Variants in STXBP4 observed in about 807,000 individuals in gnomAD.
STXBP4 encodes the protein syntaxin binding protein 4.
STXBP4 carries 55 observed loss-of-function variants against 76.1 expected under a neutral mutation model. The ratio of observed to expected loss-of-function variants is 0.72; its 90% confidence interval spans 0.58 to 0.91. STXBP4 has a LOEUF of 0.91. Ranked by LOEUF, STXBP4 falls within the 40% of genes least tolerant of loss-of-function variation. The probability of loss-of-function intolerance (pLI) is 0.00; values close to 1 mark genes in which losing one functional copy is unlikely to be tolerated. For synonymous variants in STXBP4, 201 were observed against 220.2 expected, an observed-to-expected ratio of 0.91 and a Z score of 0.77; for missense variants, 618 against 636.9, an observed-to-expected ratio of 0.97 and a Z score of 0.32.
chr17:55,006,195 AT>A (rs565508661), intron 7 of STXBP4, among the ~76,000 whole-genome samples: 1 of 152,012 alleles, frequency 6.6e-6, no homozygotes, highest in South Asian at 2.1e-4. Flanking sequence ...GTCAGCATCC[AT>A]TTTTTTATGA....
intron 3 of STXBP4, among the ~76,000 whole-genome samples, chr17:54,988,133 TAAG>T (rs1453555728): frequency 6.6e-6 from 1 of 152,126 alleles, no homozygotes; most frequent in Non-Finnish European, 1.5e-5. Flanking sequence ...TAATTCTGGG[TAAG>T]AAGAAAAACA....
At chr17:55,138,412 G>C (rs976413803) in intron 16 of STXBP4, among the ~76,000 whole-genome samples, 1 of 152,060 alleles carries the variant, frequency 6.6e-6, no homozygotes. Flanking sequence ...GATATGTTGA[G>C]TTTTAGGTAA....
chr17:55,027,186 C>A (rs1304225706), intron 8 of STXBP4, among the ~76,000 whole-genome samples: 1 of 152,160 alleles, frequency 6.6e-6, no homozygotes, highest in African/African-American at 2.4e-5. Context: ...ACTCTCCAAA[C>A]CCCACAGGGG....
chr17:54,978,800 G>T (rs1261671105), intron 1 of STXBP4, among the ~76,000 whole-genome samples: 1 of 152,004 alleles, frequency 6.6e-6, no homozygotes, highest in African/African-American at 2.4e-5. Flanking sequence ...AAAAATAGTA[G>T]TTCCAAGTGT....
intron 17 of STXBP4, among the ~76,000 whole-genome samples, chr17:55,159,575 A>G (rs1455040814): frequency 6.6e-6 from 1 of 152,226 alleles, no homozygotes; most frequent in Non-Finnish European, 1.5e-5. Context: ...GAGATGCTGC[A>G]TTCACCTGCA....
intron 16 of STXBP4, among the ~76,000 whole-genome samples, chr17:55,083,956 T>C (rs1454831657): frequency 6.6e-6 from 1 of 152,202 alleles, no homozygotes; most frequent in East Asian, 1.9e-4. Flanking sequence ...GAAGAGCATA[T>C]AGTCAGAAGT....
chr17:55,015,703 T>G (rs2078195297), intron 8 of STXBP4, among the ~76,000 whole-genome samples: 1 of 151,398 alleles, frequency 6.6e-6, no homozygotes, highest in Non-Finnish European at 1.5e-5. Flanking sequence ...GTCTATCTCC[T>G]TTTGTACCGT....
chr17:55,186,119 TG>T, the STXBP4 span, among the ~76,000 whole-genome samples: 1 of 152,228 alleles, frequency 6.6e-6, no homozygotes, highest in Non-Finnish European at 1.5e-5. Context: ...TGCAATTACT[TG>T]TCTACAAACC....
intron 12 of STXBP4, among the ~76,000 whole-genome samples, chr17:55,057,976 C>T (rs534386374): frequency 2.6e-5 from 4 of 152,162 alleles, no homozygotes; most frequent in Admixed American, 2.6e-4. Context: ...TGGGTTGGTT[C>T]CAAGTCTTTG....
chr17:55,141,625 C>T (rs949309629), intron 17 of STXBP4, among the ~76,000 whole-genome samples: 1 of 152,112 alleles, frequency 6.6e-6, no homozygotes, highest in Admixed American at 6.6e-5. Flanking sequence ...CTTAGGCTGG[C>T]TGCCTAAATT....
intron 4 of STXBP4, among the ~76,000 whole-genome samples, chr17:54,992,841 T>C (rs545829148): frequency 6.6e-5 from 10 of 151,750 alleles, no homozygotes; most frequent in Middle Eastern, 6.8e-3. Context: ...GCTTCCCTAG[T>C]AGCTGGGATT....
At chr17:55,183,312 A>T in the STXBP4 span, among the ~76,000 whole-genome samples, 1 of 152,204 alleles carries the variant, frequency 6.6e-6, no homozygotes, top group African/African-American at 2.4e-5. Context: ...GAGGCTAGGC[A>T]CAGTGGCTCA....
At chr17:55,113,230 CA>C (rs2079742619) in intron 16 of STXBP4, among the ~76,000 whole-genome samples, 1 of 150,550 alleles carries the variant, frequency 6.6e-6, no homozygotes, top group Non-Finnish European at 1.5e-5. Flanking sequence ...CACACACACA[CA>C]CACACACACA....
chr17:55,150,891 T>G (rs1283684360), intron 17 of STXBP4, among the ~76,000 whole-genome samples: 1 of 152,160 alleles, frequency 6.6e-6, no homozygotes, highest in African/African-American at 2.4e-5. Flanking sequence ...TCAACTAACC[T>G]TAAAATAGGG....
chr17:54,972,920 C>T (rs2077421112), intron 1 of STXBP4, among the ~76,000 whole-genome samples: 1 of 152,204 alleles, frequency 6.6e-6, no homozygotes, highest in South Asian at 2.1e-4. Context: ...GTGAATTCAT[C>T]TCTGCCTGGT....
intron 16 of STXBP4, among the ~76,000 whole-genome samples, chr17:55,104,476 T>G (rs965284759): frequency 6.6e-6 from 1 of 152,204 alleles, no homozygotes; most frequent in African/African-American, 2.4e-5. Context: ...GGGATGAAGC[T>G]GACTTTATCG....
intron 3 of STXBP4, among the ~76,000 whole-genome samples, chr17:54,989,342 G>A (rs1048685070): frequency 2.6e-5 from 4 of 152,110 alleles, no homozygotes; most frequent in Non-Finnish European, 4.4e-5. Context: ...TGATCCGCCC[G>A]CCTCGGCCTC....
chr17:54,996,951 A>G (rs2077814563), intron 4 of STXBP4, among the ~76,000 whole-genome samples: 1 of 152,232 alleles, frequency 6.6e-6, no homozygotes, highest in Admixed American at 6.5e-5. Context: ...TTATTTCAAC[A>G]TCTACATGAA....
At chr17:55,183,322 A>C in the STXBP4 span, among the ~76,000 whole-genome samples, 4 of 152,206 alleles carry the variant, frequency 2.6e-5, no homozygotes, top group African/African-American at 9.6e-5. Flanking sequence ...ACAGTGGCTC[A>C]TGCCTGTAAA....
Sources: allele counts gnomAD v4.1 joint callset (sites outside exome capture counted in the v4.1 genomes callset), GRCh38; gene constraint gnomAD v4.1.1; transcripts MANE v1.5; gene names NCBI Gene and HGNC (gene_info 2026-07-23, HGNC 2026-07-21).